Variants in TULP4 observed in about 807,000 individuals in gnomAD.
The protein encoded by TULP4 is TUB like protein 4, also known as tubby-related protein 4.
TULP4 carries 16 observed loss-of-function variants against 129.0 expected under a neutral mutation model. The observed-to-expected ratio is 0.12, with a 90% CI of 0.08 to 0.19. The LOEUF (loss-of-function observed/expected upper bound fraction) is 0.19. TULP4 is among the 10% of genes least tolerant of loss of function. The probability of loss-of-function intolerance (pLI) is 1.00; values close to 1 mark genes in which losing one functional copy is unlikely to be tolerated. For missense variants in TULP4, 1,842 were observed against 2,059.1 expected (o/e 0.89, Z 2.04); for synonymous variants, 998 against 854.0 (o/e 1.17, Z -2.94).
chr6:158,346,168 C>T (rs1780303944), intron 1 of TULP4, among the ~76,000 whole-genome samples: 2 of 152,178 alleles, frequency 1.3e-5, no homozygotes, highest in Admixed American at 6.5e-5. Flanking sequence ...TGTTCAAACA[C>T]ATATGTTTTA....
Position 158,331,900 on chromosome 6 carries a change from G to A in TULP4, c.252+17632G>A, listed in dbSNP as rs537870117. ...TAAAGAATAATTAACTGCCGGGCACGGTGGCTCACGCCTGTAATCCCAGCA... is the reference window on the plus strand; with the variant it reads ...TAAAGAATAATTAACTGCCGGGCACAGTGGCTCACGCCTGTAATCCCAGCA... On this transcript the variant is annotated intron_variant, in intron 1 of 13. Transcript: ENST00000367097. Among the ~76,000 whole-genome samples the A allele has an allele frequency of 5.0e-4, 75 of 148,710 alleles. No individual in the cohort carries two copies. In the East Asian group the frequency reaches 0.013, roughly 26 times the overall value.
At chr6:158,261,276 G>T (rs1268102413) in intron 1 of TULP4, among the ~76,000 whole-genome samples, 1 of 152,184 alleles carries the variant, frequency 6.6e-6, no homozygotes, top group Non-Finnish European at 1.5e-5. Flanking sequence ...TTATATTTTT[G>T]TTTAATTGTA....
At chr6:158,302,682 C>G (rs1393738566) in intron 1 of TULP4, among the ~76,000 whole-genome samples, 3 of 152,168 alleles carry the variant, frequency 2.0e-5, no homozygotes, top group African/African-American at 7.2e-5. Flanking sequence ...AACCAGCCCT[C>G]TTCTACAGTA....
At chr6:158,443,991 G>A (rs1349708048) in intron 3 of TULP4, among the ~76,000 whole-genome samples, 31 of 151,968 alleles carry the variant, frequency 2.0e-4, no homozygotes, top group Non-Finnish European at 4.4e-4. Context: ...GGGCCAGGGT[G>A]GGCGGATCAC....
At chr6:158,377,747 T>C (rs942353786) in intron 1 of TULP4, among the ~76,000 whole-genome samples, 1 of 152,228 alleles carries the variant, frequency 6.6e-6, no homozygotes, top group Non-Finnish European at 1.5e-5. Flanking sequence ...ACTTTTTTTT[T>C]CCTTTTATTT....
intron 1 of TULP4, among the ~76,000 whole-genome samples, chr6:158,316,293 T>C (rs1391786229): frequency 6.6e-6 from 1 of 152,146 alleles, no homozygotes; most frequent in Non-Finnish European, 1.5e-5. Flanking sequence ...GTGGAATTTC[T>C]AAGTCATAGT....
chr6:158,235,457 G>C (rs571190492), intron 1 of TULP4, among the ~76,000 whole-genome samples: 1 of 152,110 alleles, frequency 6.6e-6, no homozygotes, highest in South Asian at 2.1e-4. Flanking sequence ...TTCACTTAGC[G>C]TGATATCCTC....
At position 158,313,843 on chromosome 6, in the gene TULP4, C is replaced by T. The variant is rs192667688; in HGVS notation, c.-174C>T. On this transcript the variant is annotated 5_prime_UTR_variant, in exon 1 of 14. Transcript: ENST00000367097. ...TAGAGGAATTTTTTCACTATGCATT[C>T]GGTGGATCTTTATAAAATACTGACC... 59 of 680,924 alleles carry T rather than the reference C, an allele frequency of 8.7e-5. 2 individuals carry two copies. Among genetic ancestry groups the T allele is most frequent in the Middle Eastern group, 8.2e-4 (2 of 2,436 alleles). The allele number at this position is 680,924 out of a possible 1,614,324, so 42.2% of individuals were successfully genotyped here.
At chr6:158,235,804 G>A (rs370624969) in intron 1 of TULP4, among the ~76,000 whole-genome samples, 3 of 152,182 alleles carry the variant, frequency 2.0e-5, no homozygotes, top group African/African-American at 4.8e-5. Context: ...AAAAGACCAC[G>A]AGGCAATGAT....
At chr6:158,417,045 CACA>C (rs1221156213) in intron 2 of TULP4, among the ~76,000 whole-genome samples, 1 of 152,174 alleles carries the variant, frequency 6.6e-6, no homozygotes, top group African/African-American at 2.4e-5. Context: ...GTGATGATCA[CACA>C]ACAAGGGAAT....
chr6:158,493,253 C>T lies in TULP4; in HGVS notation c.1632-320C>T, dbSNP rs372495146. Among the ~76,000 whole-genome samples the T allele has an allele frequency of 6.6e-6, 1 of 152,178 alleles. No homozygotes were observed. Among genetic ancestry groups the T allele is most frequent in the East Asian group, 1.9e-4 (1 of 5,192 alleles). On this transcript the variant is annotated intron_variant, in intron 9 of 13. Coordinates refer to ENST00000367097, the MANE Select transcript of TULP4 (RefSeq NM_020245.5). This position sits in a 1 kb window ranked among gnomAD's most constrained non-coding sequence, Gnocchi z 4.4. ...CAAGTGGAGTTGTGTAATCGTAGCT[C>T]ATTGCAGCCTTGAACTCCTGGGCTC...
intron 1 of TULP4, among the ~76,000 whole-genome samples, chr6:158,269,236 T>TA (rs1562500476): frequency 6.6e-6 from 1 of 152,204 alleles, no homozygotes; most frequent in Non-Finnish European, 1.5e-5. Flanking sequence ...GAGTGGAAAT[T>TA]ACTGTTGTTA....
chr6:158,251,748 G>T (rs961480840), intron 1 of TULP4, among the ~76,000 whole-genome samples: 4 of 152,172 alleles, frequency 2.6e-5, no homozygotes, highest in African/African-American at 9.7e-5. Flanking sequence ...GTGCTGATTG[G>T]CTGGTGCTGA....
intron 1 of TULP4, among the ~76,000 whole-genome samples, chr6:158,332,384 C>A (rs534017729): frequency 7.3e-4 from 111 of 151,828 alleles, no homozygotes; most frequent in African/African-American, 2.5e-3. Flanking sequence ...AGTTTGTTAG[C>A]TTAGTTAGAC....
intron 1 of TULP4, among the ~76,000 whole-genome samples, chr6:158,386,877 A>G (rs1356535695): frequency 1.3e-5 from 2 of 152,242 alleles, no homozygotes; most frequent in African/African-American, 2.4e-5. Context: ...TAGAATGTCT[A>G]TCTAGTACAC....
chr6:158,241,013 T>G (rs1777887933), intron 1 of TULP4, among the ~76,000 whole-genome samples: 4 of 121,374 alleles, frequency 3.3e-5, no homozygotes, highest in African/African-American at 6.0e-5. Context: ...AGGCAGAGGG[T>G]CTCCTCACTT....
intron 1 of TULP4, among the ~76,000 whole-genome samples, chr6:158,273,941 A>G (rs968938525): frequency 1.3e-5 from 2 of 152,210 alleles, no homozygotes; most frequent in African/African-American, 4.8e-5. Context: ...AGATTAAGTT[A>G]CTTGCTCCAC....
chr6:158,477,186 G>A (rs751820891), intron 6 of TULP4, among the ~76,000 whole-genome samples: 9 of 152,106 alleles, frequency 5.9e-5, no homozygotes, highest in Non-Finnish European at 1.2e-4. Context: ...AGTGGTTTAA[G>A]TTCTTGGTAC....
chr6:158,297,145 C>A (rs1779049890), intron 1 of TULP4, among the ~76,000 whole-genome samples: 1 of 152,028 alleles, frequency 6.6e-6, no homozygotes, highest in African/African-American at 2.4e-5. Flanking sequence ...TAGACCTCCC[C>A]CTAGGAATGC....
Sources: gnomAD v4.1 joint callset for allele counts (sites outside exome capture counted in the v4.1 genomes callset) on GRCh38, gnomAD v4.1.1 for gene constraint, Gnocchi (gnomAD v3.1) non-coding constraint, MANE v1.5 for transcripts, NCBI Gene and HGNC (gene_info 2026-07-23, HGNC 2026-07-21) for gene names.